The following ADCY8 variants were observed in gnomAD, a reference collection of about 807,000 sequenced individuals.
The protein encoded by ADCY8 is adenylate cyclase type 8.
ADCY8 carries 51 observed loss-of-function variants against 119.7 expected under a neutral mutation model. That is an observed-to-expected ratio of 0.43 (90% CI 0.34 to 0.54). ADCY8 has a LOEUF of 0.54. Among genes scored for constraint, ADCY8 ranks in the 20% least tolerant of loss-of-function variants. ADCY8 has a pLI of 0.03. For missense variants in ADCY8, 1,383 were observed against 1,598.8 expected (o/e 0.87, Z 2.30); for synonymous variants, 665 against 651.0 (o/e 1.02, Z -0.33).
intron 1 of ADCY8, among the ~76,000 whole-genome samples, chr8:131,024,442 C>T (rs1823765086): frequency 6.6e-6 from 1 of 152,166 alleles, no homozygotes; most frequent in South Asian, 2.1e-4. Context: ...CTTCAGGCTA[C>T]CTTATCTATT....
At chr8:131,029,167 C>G (rs1422606751) in intron 1 of ADCY8, among the ~76,000 whole-genome samples, 2 of 152,230 alleles carry the variant, frequency 1.3e-5, no homozygotes, top group Non-Finnish European at 2.9e-5. Flanking sequence ...TGCGCGAGAT[C>G]TAGACTGCAA....
chr8:130,813,323 A>G (rs955431930), intron 14 of ADCY8, among the ~76,000 whole-genome samples: 3 of 152,122 alleles, frequency 2.0e-5, no homozygotes, highest in South Asian at 4.1e-4. Context: ...TTCACCATCT[A>G]TCTCTGGAAC....
chr8:130,842,460 A>G (rs1317743195), intron 11 of ADCY8, among the ~76,000 whole-genome samples: 1 of 151,964 alleles, frequency 6.6e-6, no homozygotes, highest in East Asian at 1.9e-4. Flanking sequence ...TACTGCTTTT[A>G]TTTTATTATT....
chr8:130,990,333 C>G (rs984088874), intron 2 of ADCY8, 60 bp downstream of exon 2: 2 of 1,582,714 alleles, frequency 1.3e-6, no homozygotes, highest in African/African-American at 2.7e-5. Context: ...AACAGTAGCT[C>G]CATATAATTT....
chr8:130,903,771 C>T lies in ADCY8; in HGVS notation c.1911+1G>A, dbSNP rs1819685668. The T allele has an allele frequency of 2.5e-6, 4 of 1,611,890 alleles. No homozygotes were observed. The highest frequency in any genetic ancestry group is 3.4e-6 in the Non-Finnish European group (4 of 1,179,818). ...AGCAGAAGGAGGAAGAGAGGACTTA[C>T]ATTCTGTTTCCCCACGATATTATCA... is the stretch of plus-strand genomic sequence containing the variant. On this transcript the variant is annotated splice_donor_variant, in intron 7 of 17. Coordinates refer to ENST00000286355, the MANE Select transcript of ADCY8 (RefSeq NM_001115.3). LOFTEE classifies it high-confidence loss of function.
rs962212824 is a variant in ADCY8 at position 130,817,545 on chromosome 8, C to T, written c.2755-3318G>A. ...AAACCAGGAGTCTATCAGAGACTAC[C>T]AGGGTTATGTCAAAATGATGCAAAA... On this transcript the variant is annotated intron_variant, in intron 13 of 17. Coordinates refer to ENST00000286355, the MANE Select transcript of ADCY8 (RefSeq NM_001115.3). Among the ~76,000 whole-genome samples, 3 of 151,970 alleles carry T rather than the reference C, an allele frequency of 2.0e-5. No homozygotes were observed. In the East Asian group the frequency reaches 5.8e-4, roughly 29 times the overall value.
chr8:130,888,706 C>T (rs931510209), intron 7 of ADCY8, among the ~76,000 whole-genome samples: 2 of 152,036 alleles, frequency 1.3e-5, no homozygotes, highest in African/African-American at 4.8e-5. Context: ...GGTCAGGTAG[C>T]CCTTTGTAAA....
chr8:130,951,778 C>A, intron 3 of ADCY8, 90 bp downstream of exon 3: 1 of 1,517,348 alleles, frequency 6.6e-7, no homozygotes. Context: ...TGCTGACATT[C>A]AAGCAGACGG....
chr8:131,017,875 C>G (rs537175852), intron 1 of ADCY8, among the ~76,000 whole-genome samples: 1 of 152,108 alleles, frequency 6.6e-6, no homozygotes, highest in Non-Finnish European at 1.5e-5. Context: ...GCAGCCTGCT[C>G]AGCTCTTGGA....
At chr8:130,992,971 T>TA (rs1336294496) in intron 1 of ADCY8, among the ~76,000 whole-genome samples, 1 of 152,088 alleles carries the variant, frequency 6.6e-6, no homozygotes, top group African/African-American at 2.4e-5. Context: ...ATCCAAATGC[T>TA]AAAAAAACAA....
intron 8 of ADCY8, among the ~76,000 whole-genome samples, chr8:130,870,341 A>G (rs927642299): frequency 3.3e-5 from 5 of 152,050 alleles, no homozygotes; most frequent in African/African-American, 1.2e-4. Context: ...TCCACCCATC[A>G]TCATCATGAA....
intron 10 of ADCY8, among the ~76,000 whole-genome samples, chr8:130,848,561 C>T (rs12548296): frequency 0.3 from 45,528 of 151,874 alleles, 6,840 homozygotes; most frequent in African/African-American, 0.32. Flanking sequence ...TGATTTCAGG[C>T]AGTCTAGGGC....
chr8:130,906,383 C>A (rs148915153), intron 6 of ADCY8, among the ~76,000 whole-genome samples: 2 of 152,228 alleles, frequency 1.3e-5, no homozygotes, highest in Admixed American at 6.5e-5. Flanking sequence ...ACATATCAAC[C>A]CCTTTTAGCA....
chr8:130,890,601 C>G (rs1180878026), intron 7 of ADCY8, among the ~76,000 whole-genome samples: 1 of 152,136 alleles, frequency 6.6e-6, no homozygotes, highest in African/African-American at 2.4e-5. Flanking sequence ...CAGCCAAGAG[C>G]AAGGGCCTTT....
intron 12 of ADCY8, among the ~76,000 whole-genome samples, chr8:130,829,181 C>T (rs991261880): frequency 2.6e-5 from 4 of 152,178 alleles, no homozygotes; most frequent in Admixed American, 1.3e-4. Context: ...GCCAGTTTAT[C>T]GATCTGGGTA....
intron 1 of ADCY8, among the ~76,000 whole-genome samples, chr8:131,007,121 T>G (rs1415255578): frequency 6.6e-6 from 1 of 152,210 alleles, no homozygotes; most frequent in Non-Finnish European, 1.5e-5. Flanking sequence ...TGTGTTATCT[T>G]TATTAAATTC....
At chr8:131,015,710 T>C (rs1451864692) in intron 1 of ADCY8, among the ~76,000 whole-genome samples, 1 of 152,180 alleles carries the variant, frequency 6.6e-6, no homozygotes, top group African/African-American at 2.4e-5. Context: ...AAAATTATCT[T>C]ATTTTTTATA....
intron 15 of ADCY8, among the ~76,000 whole-genome samples, chr8:130,787,846 G>A (rs1252851055): frequency 2.0e-5 from 3 of 151,850 alleles, no homozygotes; most frequent in Non-Finnish European, 4.4e-5. Flanking sequence ...GTGCATTTGT[G>A]TGTAGTCATG....
chr8:130,912,940 G>A (rs1259660097), intron 5 of ADCY8, among the ~76,000 whole-genome samples: 2 of 152,180 alleles, frequency 1.3e-5, no homozygotes, highest in Non-Finnish European at 2.9e-5. Flanking sequence ...CACTTTTCCA[G>A]TGAGCTTCTG....
Sources: allele counts gnomAD v4.1 joint callset (sites outside exome capture counted in the v4.1 genomes callset), GRCh38; gene constraint gnomAD v4.1.1; transcripts MANE v1.5; gene names NCBI Gene and HGNC (gene_info 2026-07-23, HGNC 2026-07-21).